Variants in HYDIN observed in about 807,000 individuals in gnomAD.
The protein encoded by HYDIN is HYDIN axonemal central pair apparatus protein.
A neutral mutation model predicts 403.9 loss-of-function variants in HYDIN; 132 were observed. That is an observed-to-expected ratio of 0.33 (90% CI 0.28 to 0.38). The LOEUF (loss-of-function observed/expected upper bound fraction) is 0.38, where lower values mean the gene tolerates loss of function less well. HYDIN is among the 10% of genes least tolerant of loss of function. The pLI is 1.00. For synonymous variants in HYDIN, 1,202 were observed against 1,891.7 expected (o/e 0.64, Z 9.46); for missense variants, 2,827 against 5,009.5 (o/e 0.56, Z 13.15).
chr16:71,077,211 C>T (rs117572023), intron 13 of HYDIN, among the ~76,000 whole-genome samples: 2 of 152,126 alleles, frequency 1.3e-5, no homozygotes, highest in Non-Finnish European at 2.9e-5. Context: ...TTTGCCTATG[C>T]TTTAAAGTAC....
intron 1 of HYDIN, among the ~76,000 whole-genome samples, chr16:71,212,674 A>T (rs890171070): frequency 6.6e-6 from 1 of 152,142 alleles, no homozygotes; most frequent in Non-Finnish European, 1.5e-5. Flanking sequence ...ACAAAAAGAC[A>T]AAAAAAGTAA....
chr16:70,877,412 G>A (rs1383082626), intron 62 of HYDIN, among the ~76,000 whole-genome samples: 1 of 152,078 alleles, frequency 6.6e-6, no homozygotes, highest in Non-Finnish European at 1.5e-5. Context: ...TAAAACTGTA[G>A]AAAACAAAGT....
rs111560196 is a variant in HYDIN at position 71,001,401 on chromosome 16, T to TA, written c.3645-9192dup. Among the ~76,000 whole-genome samples, 386 of 79,656 alleles carry TA rather than the reference T, an allele frequency of 4.8e-3. 2 individuals are homozygous for TA. Among genetic ancestry groups the TA allele is most frequent in the African/African-American group, 0.016 (316 of 19,530 alleles). 52.3% of individuals were successfully genotyped at this position (79,656 alleles called of 152,430 possible). ...ATGACAAAACCCAACAACACAACAA[T>TA]AAAAAAAAAAACACATAAAAAATGA... On this transcript the variant is annotated intron_variant, in intron 23 of 85. Transcript: ENST00000393567.
intron 13 of HYDIN, among the ~76,000 whole-genome samples, chr16:71,078,763 C>T (rs553590778): frequency 2.0e-5 from 3 of 152,314 alleles, no homozygotes; most frequent in African/African-American, 2.4e-5. Context: ...GCCTCGCCCT[C>T]CCAAAGTGGC....
chr16:71,017,822 T>C (rs1314041352), intron 23 of HYDIN, among the ~76,000 whole-genome samples: 1 of 152,228 alleles, frequency 6.6e-6, no homozygotes, highest in African/African-American at 2.4e-5. Context: ...TACAAAGACT[T>C]TATTTTTTAG....
At position 71,015,343 on chromosome 16, in the gene HYDIN, T is replaced by C. The variant is rs535077503; in HGVS notation, c.3644+2786A>G. On this transcript the variant is annotated intron_variant, in intron 23 of 85. Coordinates refer to ENST00000393567, the MANE Select transcript of HYDIN (RefSeq NM_001270974.2). ...AAATTAAGTGTATCATCTTCAGTAGTGGCCAAGTACATTTTCAAAAGTTCA... is the reference window on the plus strand; with the variant it reads ...AAATTAAGTGTATCATCTTCAGTAGCGGCCAAGTACATTTTCAAAAGTTCA... Among the ~76,000 whole-genome samples, 509 of 152,094 alleles carry C rather than the reference T, an allele frequency of 3.3e-3. 3 individuals are homozygous for C. Among genetic ancestry groups the C allele is most frequent in the African/African-American group, 0.012 (499 of 41,484 alleles).
rs753163923 is a variant in HYDIN at position 70,833,968 on chromosome 16, T to C, written c.13598A>G (p.His4533Arg). Reference protein sequence around the residue: ...QALEISLDQEHIPFGPVVYQT... With the variant: ...QALEISLDQERIPFGPVVYQT... The stretch of plus-strand genomic sequence containing the variant: ...ATACACCACGGGTCCAAAGGGAATA[T>C]GTTCCTGGTCCAGTGAGATCTCCAG... Residue 4533 changes from histidine to arginine, a missense_variant, in exon 79 of 86, where the codon CAT becomes CGT. Coordinates refer to ENST00000393567, the MANE Select transcript of HYDIN (RefSeq NM_001270974.2). 2.5e-6 allele frequency: 4 copies of C among 1,613,064 alleles called. No individual in the cohort carries two copies. In the Admixed American group the frequency reaches 6.7e-5, roughly 27 times the overall value.
rs570991014 is a variant in HYDIN at position 71,067,413 on chromosome 16, T to G, written c.1975-23A>C. The G allele has an allele frequency of 6.4e-5, 100 of 1,567,202 alleles. 1 individual carries two copies. In the South Asian group the frequency reaches 6.4e-4, roughly 10 times the overall value. Reference sequence around the variant, plus strand: ...CACCTGGAAAGAAAAAGGTGACAAGTTGGTCTTCGAAAAAGCACGTTCTCT... The same window carrying G: ...CACCTGGAAAGAAAAAGGTGACAAGGTGGTCTTCGAAAAAGCACGTTCTCT... On this transcript the variant is annotated intron_variant, in intron 14 of 85. Transcript: ENST00000393567.
At chr16:71,184,330 C>A (rs1299567537) in intron 3 of HYDIN, among the ~76,000 whole-genome samples, 2 of 152,130 alleles carry the variant, frequency 1.3e-5, no homozygotes, top group East Asian at 1.9e-4. Context: ...AATAGGAAAC[C>A]AGACCTTCTA....
chr16:70,938,697 C>T lies in HYDIN; in HGVS notation c.6912G>A (p.Glu2304=). 3 of 1,614,068 alleles carry T rather than the reference C, an allele frequency of 1.9e-6. No homozygotes were observed. The highest frequency in any genetic ancestry group is 1.1e-5 in the South Asian group (1 of 91,086). Residue 2304 remains glutamate (E), a synonymous_variant, in exon 44 of 86, where the codon GAG becomes GAA. Transcript: ENST00000393567. ...CCTCAGTCAGGGCATCATATTCTTCCTCATCCATGTTTTGGAGACGCTCCT... is the reference window on the plus strand; with the variant it reads ...CCTCAGTCAGGGCATCATATTCTTCTTCATCCATGTTTTGGAGACGCTCCT... The part of the protein sequence containing the change: ...KEKERLQNMD[E]EEYDALTEEE...
chr16:70,841,774 G>GC (rs1368837343), intron 75 of HYDIN, among the ~76,000 whole-genome samples: 2 of 151,648 alleles, frequency 1.3e-5, no homozygotes, highest in African/African-American at 4.9e-5. Context: ...ATCATGTGAT[G>GC]CCATCTGCCA....
chr16:71,218,656 C>T (rs760124566), intron 1 of HYDIN, among the ~76,000 whole-genome samples: 1 of 152,158 alleles, frequency 6.6e-6, no homozygotes, highest in Non-Finnish European at 1.5e-5. Context: ...CTTTTCCCTC[C>T]CTGCAATATT....
At chr16:70,826,127 A>G (rs796574726) in intron 83 of HYDIN, among the ~76,000 whole-genome samples, 1 of 100,186 alleles carries the variant, frequency 1.0e-5, no homozygotes, top group South Asian at 3.9e-4. Context: ...TCTACGTTTA[A>G]CCATTTGAGG....
At chr16:70,884,727 AAAC>A (rs1207647619) in intron 58 of HYDIN, among the ~76,000 whole-genome samples, 3 of 143,660 alleles carry the variant, frequency 2.1e-5, no homozygotes, top group Non-Finnish European at 3.0e-5. Context: ...AAACAAAACA[AAAC>A]AAAACAGGAT....
intron 1 of HYDIN, among the ~76,000 whole-genome samples, chr16:71,197,572 G>A (rs2087762661): frequency 1.3e-5 from 2 of 152,148 alleles, no homozygotes; most frequent in South Asian, 4.1e-4. Context: ...ACAGAAAAGT[G>A]CCTCACATAA....
intron 84 of HYDIN, chr16:70,811,215 A>G (rs1283923611): frequency 1.3e-5 from 2 of 152,178 alleles, no homozygotes; most frequent in Non-Finnish European, 2.9e-5. Flanking sequence ...TGAGCCCAGG[A>G]GTTTGAGACC....
intron 65 of HYDIN, among the ~76,000 whole-genome samples, chr16:70,870,956 G>GGGAAGT (rs2040057009): frequency 6.6e-6 from 1 of 151,944 alleles, no homozygotes; most frequent in Non-Finnish European, 1.5e-5. Flanking sequence ...ACTTGATCTT[G>GGGAAGT]GGAAGTGGAG....
intron 1 of HYDIN, among the ~76,000 whole-genome samples, chr16:71,196,435 C>T (rs2087700997): frequency 1.3e-5 from 2 of 152,038 alleles, no homozygotes; most frequent in South Asian, 4.1e-4. Context: ...AATCTCTTGC[C>T]CTCAGTGCTC....
intron 10 of HYDIN, among the ~76,000 whole-genome samples, chr16:71,098,170 G>A (rs1434812168): frequency 1.3e-5 from 2 of 150,798 alleles, no homozygotes; most frequent in African/African-American, 2.4e-5. Context: ...GTTAGTTGTG[G>A]CAATACTCTA....
Sources: gnomAD v4.1 joint callset for allele counts (sites outside exome capture counted in the v4.1 genomes callset) on GRCh38, gnomAD v4.1.1 for gene constraint, MANE v1.5 for transcripts, NCBI Gene and HGNC (gene_info 2026-07-23, HGNC 2026-07-21) for gene names.